GPD1L: variants seen among roughly 807,000 people sequenced by gnomAD.
GPD1L encodes glycerol-3-phosphate dehydrogenase 1-like protein.
GPD1L carries 17 observed loss-of-function variants against 32.9 expected under a neutral mutation model. The ratio of observed to expected loss-of-function variants is 0.52; its 90% CI spans 0.35 to 0.78. The LOEUF (loss-of-function observed/expected upper bound fraction) is 0.78, where lower values mean the gene tolerates loss of function less well. Ranked by LOEUF, GPD1L falls within the 30% of genes least tolerant of loss-of-function variation. The pLI is 0.01. For missense variants in GPD1L, 361 were observed against 447.8 expected (o/e 0.81, Z 1.75); for synonymous variants, 187 against 165.9 (o/e 1.13, Z -0.98).
At chr3:32,130,877 G>A (rs1218219658) in intron 2 of GPD1L, among the ~76,000 whole-genome samples, 1 of 152,086 alleles carries the variant, frequency 6.6e-6, no homozygotes, top group Non-Finnish European at 1.5e-5. Flanking sequence ...GCCGGGTGTA[G>A]TGGTGCACAC....
chr3:32,132,676 G>C (rs534620211), intron 2 of GPD1L, among the ~76,000 whole-genome samples: 1 of 152,226 alleles, frequency 6.6e-6, no homozygotes, highest in East Asian at 1.9e-4. Context: ...CACTCCTATA[G>C]TTTCTGATTC....
At chr3:32,151,424 C>G in intron 5 of GPD1L, 1 of 610,652 alleles carries the variant, frequency 1.6e-6, no homozygotes, top group Non-Finnish European at 2.9e-6. Context: ...AGTGACCATT[C>G]CCCTGATGTC....
At chr3:32,158,790 C>A (rs1701032847) in intron 5 of GPD1L, 86 bp from the exon 6 acceptor site, 2 of 1,556,382 alleles carry the variant, frequency 1.3e-6, no homozygotes, top group Admixed American at 1.9e-5. Context: ...TGGTCTGCCC[C>A]TGCCTCGGCA....
In GPD1L at chr3:32,166,087, G is replaced by A. The variant is rs769356823; in HGVS notation, c.*177G>A. The A allele has an allele frequency of 3.8e-5, 25 of 652,382 alleles. No individual in the cohort carries two copies. Among genetic ancestry groups the A allele is most frequent in the Non-Finnish European group, 6.7e-5 (24 of 357,600 alleles). The allele number at this position is 652,382 out of a possible 1,614,324, so 40.4% of individuals were successfully genotyped here. A position where few individuals can be genotyped will look rare whatever the true frequency, so the allele number is the denominator to read the frequency against. On this transcript the variant is annotated 3_prime_UTR_variant, in exon 8 of 8. Transcript: ENST00000282541. ...GGCAGTTCATTAGCAAAGATGTACT[G>A]GGCAGTAACTAAACACACATGCAAA...
chr3:32,125,907 A>G (rs1357147801), intron 1 of GPD1L, among the ~76,000 whole-genome samples: 1 of 152,210 alleles, frequency 6.6e-6, no homozygotes, highest in Non-Finnish European at 1.5e-5. Flanking sequence ...TGACCCCCCA[A>G]GAGTAAAATA....
intron 1 of GPD1L, among the ~76,000 whole-genome samples, chr3:32,112,172 GT>G (rs1700262437): frequency 6.6e-6 from 1 of 151,980 alleles, no homozygotes; most frequent in African/African-American, 2.4e-5. Context: ...TCCCCCACCT[GT>G]TTGGTATACA....
At chr3:32,122,410 T>G (rs1700435897) in intron 1 of GPD1L, among the ~76,000 whole-genome samples, 1 of 152,204 alleles carries the variant, frequency 6.6e-6, no homozygotes, top group Non-Finnish European at 1.5e-5. Flanking sequence ...GCACCTCTCT[T>G]ATGGGCTGTA....
chr3:32,152,449 C>T lies in GPD1L; in HGVS notation c.618+5715C>T, dbSNP rs192264281. Reference sequence around the variant, plus strand: ...TTCTGGAGGCTGGAAAATCCAGTATCGGGCACCAGCAGTTCTGGTGTCTCA... The same window carrying T: ...TTCTGGAGGCTGGAAAATCCAGTATTGGGCACCAGCAGTTCTGGTGTCTCA... On this transcript the variant is annotated intron_variant, in intron 5 of 7. Transcript: ENST00000282541. Among the ~76,000 whole-genome samples the T allele has an allele frequency of 3.2e-3, 482 of 152,104 alleles. 1 individual carries two copies. The highest frequency in any genetic ancestry group is 0.011 in the African/African-American group (455 of 41,480).
chr3:32,146,473 CT>C (rs1467859081), intron 4 of GPD1L, 148 bp from the exon 5 acceptor site: 2 of 648,990 alleles, frequency 3.1e-6, no homozygotes, highest in Non-Finnish European at 5.6e-6. Context: ...GATATTTTTA[CT>C]TTATTTCTGC....
rs140963100 is a variant in GPD1L at position 32,160,073 on chromosome 3, G to A, written c.959+399G>A. 1.3e-3 allele frequency among the ~76,000 whole-genome samples: 196 copies of A among 152,114 alleles called. 2 individuals are homozygous for A. Among genetic ancestry groups the A allele is most frequent in the Middle Eastern group, 0.01 (3 of 294 alleles). On this transcript the variant is annotated intron_variant, in intron 7 of 7. Transcript: ENST00000282541. ...GTCAAGTCAGAAAAGAAGGAAGGAC[G>A]AGTTAGCCCAACATTATACCATTAG...
chr3:32,142,102 A>G (rs1575116253), intron 4 of GPD1L, among the ~76,000 whole-genome samples: 1 of 149,040 alleles, frequency 6.7e-6, no homozygotes, highest in Non-Finnish European at 1.5e-5. Flanking sequence ...AGCTGCATCC[A>G]TGCTGCAAAG....
At chr3:32,156,948 A>C (rs1559582307) in intron 5 of GPD1L, among the ~76,000 whole-genome samples, 2 of 151,872 alleles carry the variant, frequency 1.3e-5, no homozygotes, top group African/African-American at 4.8e-5. Context: ...CTGTACAGTC[A>C]CAGGTATTAC....
At chr3:32,110,077 C>T (rs2125466477) in intron 1 of GPD1L, among the ~76,000 whole-genome samples, 1 of 152,362 alleles carries the variant, frequency 6.6e-6, no homozygotes, top group Middle Eastern at 3.4e-3. Flanking sequence ...GCCACCACGC[C>T]CAGCTAATTT....
At chr3:32,158,694 C>G in intron 5 of GPD1L, 182 bp from the exon 6 acceptor site, 2 of 1,367,684 alleles carry the variant, frequency 1.5e-6, no homozygotes, top group Non-Finnish European at 9.8e-7. Flanking sequence ...TATGGAAGCC[C>G]TGTCTCTCCT....
chr3:32,124,909 C>T (rs992833441), intron 1 of GPD1L, among the ~76,000 whole-genome samples: 5 of 152,008 alleles, frequency 3.3e-5, no homozygotes, highest in African/African-American at 1.2e-4. Flanking sequence ...GAGGACAGAG[C>T]AAGACATTGT....
intron 1 of GPD1L, among the ~76,000 whole-genome samples, chr3:32,114,175 A>G (rs900956752): frequency 3.3e-5 from 5 of 152,194 alleles, no homozygotes; most frequent in African/African-American, 1.2e-4. Context: ...TCTTGGTCCT[A>G]GATGACCTCC....
rs139178666 is a variant in GPD1L, at chr3:32,124,311, C to T, written c.48-3765C>T. ...CAATCTCCTGACCTTGTGATCCACC[C>T]GCCTCGGCCTCCCAAAGTGCTGGGA... On this transcript the variant is annotated intron_variant, in intron 1 of 7. Transcript: ENST00000282541. 4.9e-4 allele frequency among the ~76,000 whole-genome samples: 74 copies of T among 152,280 alleles called. 2 individuals carry two copies. In the East Asian group the frequency reaches 0.012, roughly 25 times the overall value.
intron 5 of GPD1L, among the ~76,000 whole-genome samples, chr3:32,154,950 T>G (rs1700967068): frequency 2.0e-5 from 3 of 152,132 alleles, no homozygotes; most frequent in South Asian, 4.1e-4. Flanking sequence ...GGTTTCACTA[T>G]GTTGCCCAGG....
At chr3:32,163,198 T>C (rs1701095883) in intron 7 of GPD1L, among the ~76,000 whole-genome samples, 1 of 133,246 alleles carries the variant, frequency 7.5e-6, no homozygotes, top group African/African-American at 2.8e-5. Flanking sequence ...AGACAGAGTC[T>C]TGCTCTGTCG....
Sources: gnomAD v4.1 joint callset for allele counts (sites outside exome capture counted in the v4.1 genomes callset) on GRCh38, gnomAD v4.1.1 for gene constraint, MANE v1.5 for transcripts, NCBI Gene and HGNC (gene_info 2026-07-23, HGNC 2026-07-21) for gene names.